Variants in ANKRD52 observed in about 807,000 individuals in gnomAD.
ANKRD52 encodes the protein serine/threonine-protein phosphatase 6 regulatory ankyrin repeat subunit C.
Under a neutral mutation model 116.0 loss-of-function variants are expected in ANKRD52, and 7 were observed. The observed-to-expected ratio is 0.06, with a 90% CI of 0.03 to 0.11. The LOEUF (loss-of-function observed/expected upper bound fraction) is 0.11, where lower values mean the gene tolerates loss of function less well. Among genes scored for constraint, ANKRD52 ranks in the 10% least tolerant of loss-of-function variants. ANKRD52 has a pLI of 1.00. For missense variants in ANKRD52, 839 were observed against 1,408.6 expected (o/e 0.60, Z 6.47); for synonymous variants, 528 against 578.1 (o/e 0.91, Z 1.24).
intron 22 of ANKRD52, 39 bp from the exon 23 acceptor site, chr12:56,245,028 G>A: frequency 6.2e-7 from 1 of 1,613,150 alleles, no homozygotes; most frequent in Non-Finnish European, 8.5e-7. Context: ...GGAAGGACAA[G>A]GGAAGTAGAC....
chr12:56,242,203 G>T lies in ANKRD52; in HGVS notation c.*939C>A. 1 of 398,554 alleles carries T rather than the reference G, an allele frequency of 2.5e-6. No individual in the cohort carries two copies. The highest frequency in any genetic ancestry group is 4.4e-6 in the Non-Finnish European group (1 of 226,076). 24.7% of individuals were successfully genotyped at this position (398,554 alleles called of 1,614,324 possible). On this transcript the variant is annotated 3_prime_UTR_variant, in exon 28 of 28. Transcript: ENST00000267116. The surrounding 1 kb of genome is among the most constrained non-coding windows in gnomAD (Gnocchi z 4.3). ...TGCAAACACATGCCTGAAACACAGT[G>T]GACATACTAGGGCTGTGGTTTTGAA...
Position 56,243,820 on chromosome 12 carries a change from C to T in ANKRD52, c.2945G>A (p.Ser982Asn). The part of the protein sequence containing the change: ...GLASVVQALL[S>N]HGATVLAVDE... ...CACAGCCAGCACTGTGGCCCCATGA[C>T]TCAGCAGGGCCTGTACCACAGAAGC... is the stretch of plus-strand genomic sequence containing the variant. The change falls in exon 27 of 28, where the codon AGT becomes AAT. Residue 982 changes from serine to asparagine, a missense_variant. Transcript: ENST00000267116. The surrounding 1 kb of genome is among the most constrained non-coding windows in gnomAD (Gnocchi z 4.6). 3 of 1,564,256 alleles carry T rather than the reference C, an allele frequency of 1.9e-6. No individual in the cohort carries two copies. Among genetic ancestry groups the T allele is most frequent in the Non-Finnish European group, 2.6e-6 (3 of 1,154,070 alleles).
Position 56,247,781 on chromosome 12 carries a change from G to T in ANKRD52, c.1979-7C>A. 1 of 1,610,580 alleles carries T rather than the reference G, an allele frequency of 6.2e-7. No individual in the cohort carries two copies. Among genetic ancestry groups the T allele is most frequent in the Non-Finnish European group, 8.5e-7 (1 of 1,178,746 alleles). ...TCAGTGTGGCCAGAGGCAGCTAGGGGAAAGGGACCCCGTGTCAGGGCAGGG... is the reference window on the plus strand; with the variant it reads ...TCAGTGTGGCCAGAGGCAGCTAGGGTAAAGGGACCCCGTGTCAGGGCAGGG... On this transcript the variant is annotated splice_polypyrimidine_tract_variant and splice_region_variant and intron_variant, in intron 18 of 27. Transcript: ENST00000267116.
In ANKRD52 at chr12:56,252,752, A is replaced by C. The variant is rs1407198933; in HGVS notation, c.1301+28T>G. On this transcript the variant is annotated intron_variant, in intron 12 of 27. Coordinates refer to ENST00000267116, the MANE Select transcript of ANKRD52 (RefSeq NM_173595.4). The surrounding 1 kb of genome is among the most constrained non-coding windows in gnomAD (Gnocchi z 4.7). ...AGACCTTTGCCCAGCTCCCTGCTCA[A>C]AGCATGGGAGAGAGAAAGAGAACTC... The C allele has an allele frequency of 6.2e-7, 1 of 1,605,030 alleles. No individual in the cohort carries two copies. Among genetic ancestry groups the C allele is most frequent in the Non-Finnish European group, 8.5e-7 (1 of 1,172,820 alleles).
At chr12:56,247,918 T>C in intron 18 of ANKRD52, 105 bp downstream of exon 18, 1 of 1,373,362 alleles carries the variant, frequency 7.3e-7, no homozygotes, top group Non-Finnish European at 1.0e-6. Context: ...AATCAGGGCT[T>C]GAAGTCTCCA....
At chr12:56,247,649 G>A (rs756325037) in intron 19 of ANKRD52, 38 bp downstream of exon 19, 72 of 1,597,928 alleles carry the variant, frequency 4.5e-5, no homozygotes, top group Middle Eastern at 1.6e-4. Context: ...ATCCCGCAAG[G>A]ACTGGAAAAC....
chr12:56,245,224 A>G (rs758102702), intron 21 of ANKRD52, 34 bp from the exon 22 acceptor site: 9 of 1,612,410 alleles, frequency 5.6e-6, no homozygotes, highest in Non-Finnish European at 7.6e-6. Flanking sequence ...GTGATGGAGA[A>G]AAACGGCAAG....
Position 56,255,028 on chromosome 12 carries a change from C to A in ANKRD52, c.463-76G>T. ...ACCTACCTAAGAGCAGAGGCCTCATCTCCTGAAAAGGCTGAGGCAGCCTAA... is the reference window on the plus strand; with the variant it reads ...ACCTACCTAAGAGCAGAGGCCTCATATCCTGAAAAGGCTGAGGCAGCCTAA... On this transcript the variant is annotated intron_variant, in intron 5 of 27. Coordinates refer to ENST00000267116, the MANE Select transcript of ANKRD52 (RefSeq NM_173595.4). The surrounding 1 kb of genome is among the most constrained non-coding windows in gnomAD (Gnocchi z 4.3). 1.3e-6 allele frequency: 2 copies of A among 1,498,120 alleles called. No homozygotes were observed. The highest frequency in any genetic ancestry group is 2.3e-5 in the East Asian group (1 of 43,534). 92.8% of individuals were successfully genotyped at this position (1,498,120 alleles called of 1,614,324 possible). A position where few individuals can be genotyped will look rare whatever the true frequency, so the allele number is the denominator to read the frequency against.
Position 56,247,597 on chromosome 12 carries a change from G to C in ANKRD52, c.2080C>G (p.Leu694Val). The change falls in exon 20 of 28, where the codon CTG (leucine) becomes GTG (valine). Residue 694 changes from leucine (L) to valine (V), a missense_variant. Leu to Val is a conservative substitution (Grantham distance 32). Around this residue, in one of 2 missense-constraint regions of ANKRD52, gnomAD observed 552 missense variants for 810.6 expected, o/e 0.68. Coordinates refer to ENST00000267116, the MANE Select transcript of ANKRD52 (RefSeq NM_173595.4). Reference sequence around the variant, plus strand: ...TCCACATGGCCATTCATGATGGCCAGCATCAGTGGGGTCCTACAGAAGGGC... The same window carrying C: ...TCCACATGGCCATTCATGATGGCCACCATCAGTGGGGTCCTACAGAAGGGC... ...MDAYGQTPLM[L>V]AIMNGHVDCV... 1 of 1,591,842 alleles carries C rather than the reference G, an allele frequency of 6.3e-7. No homozygotes were observed. Among genetic ancestry groups the C allele is most frequent in the Non-Finnish European group, 8.6e-7 (1 of 1,168,268 alleles).
At position 56,253,737 on chromosome 12, in the gene ANKRD52, T is replaced by C; in HGVS notation, c.970A>G (p.Ile324Val). ...AIHGRFTRSQ[I>V]LIQNGSEIDC... is the part of the protein sequence containing the mutation. ...AGGTCCATACCATTCTGGATGAGGA[T>C]CTGGGAGCGTGTGAAACGGCCATGG... The change falls in exon 9 of 28, where the codon ATC becomes GTC. Residue 324 changes from isoleucine to valine, a missense_variant. Transcript: ENST00000267116. This position sits in a 1 kb window ranked among gnomAD's most constrained non-coding sequence, Gnocchi z 5.5. The C allele has an allele frequency of 6.2e-7, 1 of 1,613,828 alleles. No homozygotes were observed.
rs530887351 is a variant in ANKRD52, at chr12:56,240,352, T to C, written c.*2790A>G. The C allele has an allele frequency of 6.6e-6, 1 of 152,314 alleles. No homozygotes were observed. The highest frequency in any genetic ancestry group is 1.9e-4 in the East Asian group (1 of 5,180). 9.4% of individuals were successfully genotyped at this position (152,314 alleles called of 1,614,324 possible). ...CACACGTCTGTTTCCCTGTCTCCTATGTCGCCCTCGCTCTGTTTCCTTTGC... is the reference window on the plus strand; with the variant it reads ...CACACGTCTGTTTCCCTGTCTCCTACGTCGCCCTCGCTCTGTTTCCTTTGC... On this transcript the variant is annotated 3_prime_UTR_variant, in exon 28 of 28. Coordinates refer to ENST00000267116, the MANE Select transcript of ANKRD52 (RefSeq NM_173595.4). This position sits in a 1 kb window ranked among gnomAD's most constrained non-coding sequence, Gnocchi z 4.2.
intron 2 of ANKRD52, 129 bp downstream of exon 2, chr12:56,257,699 A>G: frequency 1.1e-6 from 1 of 900,644 alleles, no homozygotes; most frequent in Non-Finnish European, 1.7e-6. Context: ...GTAGGCTTTC[A>G]CTCCAGGATG....
At position 56,238,852 on chromosome 12, in the gene ANKRD52, A is replaced by C. The variant is rs1871040369; in HGVS notation, c.*4290T>G. On this transcript the variant is annotated 3_prime_UTR_variant, in exon 28 of 28. Coordinates refer to ENST00000267116, the MANE Select transcript of ANKRD52 (RefSeq NM_173595.4). ...CGGGGGAAGAAGACTGGAAGCAGAG[A>C]CCTCCCCCCTTGTGGGGGGCAGACT... The C allele has an allele frequency of 1.3e-5, 2 of 152,284 alleles. No individual in the cohort carries two copies. Among genetic ancestry groups the C allele is most frequent in the Non-Finnish European group, 2.9e-5 (2 of 68,234 alleles). The allele number at this position is 152,284 out of a possible 1,614,324, so 9.4% of individuals were successfully genotyped here.
rs1871293265 is a variant in ANKRD52, at chr12:56,244,261, A to T, written c.2805+92T>A. 2.0e-6 allele frequency: 3 copies of T among 1,533,432 alleles called. No homozygotes were observed. The highest frequency in any genetic ancestry group is 1.4e-5 in the African/African-American group (1 of 73,166). 95.0% of individuals were successfully genotyped at this position (1,533,432 alleles called of 1,614,324 possible). A position where few individuals can be genotyped will look rare whatever the true frequency, so the allele number is the denominator to read the frequency against. ...CAGTCGGATAGGCTGGACAATCCTC[A>T]CTTCTGCCCCAGTCCCCTCTGCAAC... On this transcript the variant is annotated intron_variant, in intron 25 of 27. Transcript: ENST00000267116. This position sits in a 1 kb window ranked among gnomAD's most constrained non-coding sequence, Gnocchi z 4.9.
rs563226009 is a variant in ANKRD52 at position 56,239,155 on chromosome 12, C to T, written c.*3987G>A. ...AAGTAATTCAAAGAGCAGACCCTCC[C>T]CACCCCAGCTTCACCCCATCTCTGG... On this transcript the variant is annotated 3_prime_UTR_variant, in exon 28 of 28. Coordinates refer to ENST00000267116, the MANE Select transcript of ANKRD52 (RefSeq NM_173595.4). 6.6e-6 allele frequency: 1 copy of T among 152,510 alleles called. No individual in the cohort carries two copies. Among genetic ancestry groups the T allele is most frequent in the East Asian group, 1.9e-4 (1 of 5,194 alleles). The allele number at this position is 152,510 out of a possible 1,614,324, so 9.4% of individuals were successfully genotyped here.
chr12:56,245,023 G>T, intron 22 of ANKRD52, 34 bp from the exon 23 acceptor site: 2 of 1,613,188 alleles, frequency 1.2e-6, no homozygotes, highest in East Asian at 2.2e-5. Flanking sequence ...CATCAGGAAG[G>T]ACAAGGGAAG....
Position 56,248,961 on chromosome 12 carries a change from T to TC in ANKRD52, c.1593-92dup. The stretch of plus-strand genomic sequence containing the variant: ...GGGCCAGAGGAGAGGACCAAGGCCC[T>TC]CCAGGCCTACCTGGCCGCCACCCGT... On this transcript the variant is annotated intron_variant, in intron 15 of 27. Coordinates refer to ENST00000267116, the MANE Select transcript of ANKRD52 (RefSeq NM_173595.4). The surrounding 1 kb of genome is among the most constrained non-coding windows in gnomAD (Gnocchi z 5.1). The TC allele has an allele frequency of 1.1e-6, 1 of 901,660 alleles. No homozygotes were observed. The highest frequency in any genetic ancestry group is 1.7e-6 in the Non-Finnish European group (1 of 604,054). 55.9% of individuals were successfully genotyped at this position (901,660 alleles called of 1,614,324 possible).
Position 56,254,112 on chromosome 12 carries a change from G to A in ANKRD52, c.861C>T (p.Leu287=), listed in dbSNP as rs1267234541. The stretch of plus-strand genomic sequence containing the variant: ...CATTATTAACCAGTAGCTCCAAGCA[G>A]AGAGCGCCATTGGTGGAGACTGCAG... ...HVAAVSTNGA[L]CLELLVNNGA... Residue 287 remains leucine (L), a synonymous_variant, in exon 8 of 28, where the codon CTC becomes CTT. Coordinates refer to ENST00000267116, the MANE Select transcript of ANKRD52 (RefSeq NM_173595.4). This position sits in a 1 kb window ranked among gnomAD's most constrained non-coding sequence, Gnocchi z 4.6. 1.9e-6 allele frequency: 3 copies of A among 1,613,846 alleles called. No individual in the cohort carries two copies. The Admixed American group carries it at 5.0e-5, about 27-fold the overall frequency.
chr12:56,247,424 C>G (rs1871463813), intron 20 of ANKRD52, 69 bp downstream of exon 20: 16 of 1,288,286 alleles, frequency 1.2e-5, no homozygotes, highest in Non-Finnish European at 1.7e-5. Context: ...GGATTCCCTA[C>G]TGCTGGTGAG....
Sources: allele counts gnomAD v4.1 joint callset, GRCh38; gene constraint gnomAD v4.1.1; regional missense constraint gnomAD v4.1.1; non-coding constraint Gnocchi (gnomAD v3.1); transcripts MANE v1.5; gene names NCBI Gene and HGNC (gene_info 2026-07-23, HGNC 2026-07-21).